USF3: variants seen among roughly 807,000 people sequenced by gnomAD.
The protein encoded by USF3 is basic helix-loop-helix domain-containing protein USF3.
In USF3, 29 loss-of-function variants were observed where a neutral mutation model predicts 157.5. That is an observed-to-expected ratio of 0.18 (90% CI 0.14 to 0.25). The LOEUF (loss-of-function observed/expected upper bound fraction) is 0.25, where lower values mean the gene tolerates loss of function less well. USF3 is among the 10% of genes least tolerant of loss of function. USF3 has a pLI of 1.00. For missense variants in USF3, 2,381 were observed against 2,667.6 expected, an observed-to-expected ratio of 0.89 and a Z score of 2.37; for synonymous variants, 893 against 941.4, an observed-to-expected ratio of 0.95 and a Z score of 0.94.
intron 6 of USF3, among the ~76,000 whole-genome samples, chr3:113,663,749 A>G (rs1427791530): frequency 6.6e-6 from 1 of 152,236 alleles, no homozygotes; most frequent in Non-Finnish European, 1.5e-5. Context: ...GCTATAAGAA[A>G]ACTTTCTCTC....
chr3:113,665,028 T>A (rs1353062862), intron 5 of USF3, among the ~76,000 whole-genome samples: 1 of 152,228 alleles, frequency 6.6e-6, no homozygotes, highest in Non-Finnish European at 1.5e-5. Context: ...GTCTATGGCA[T>A]TTTTGTTGCA....
chr3:113,670,681 TATA>T (rs972680143), intron 4 of USF3, among the ~76,000 whole-genome samples: 2 of 152,164 alleles, frequency 1.3e-5, no homozygotes, highest in Non-Finnish European at 2.9e-5. Flanking sequence ...TATAAATAAC[TATA>T]ATAAGTAAAA....
intron 6 of USF3, among the ~76,000 whole-genome samples, chr3:113,664,013 C>CA (rs1457252301): frequency 1.3e-5 from 2 of 152,032 alleles, no homozygotes; most frequent in African/African-American, 4.8e-5. Context: ...CTGCAATGTC[C>CA]AATTGGAATA....
chr3:113,658,129 C>T lies in USF3; in HGVS notation c.3553G>A (p.Gly1185Ser), dbSNP rs747883634. Residue 1185 changes from glycine to serine, a missense_variant, in exon 7 of 7, where the codon GGC becomes AGC. By Grantham distance (56) the Gly-to-Ser change is moderately conservative (BLOSUM62 0). Coordinates refer to ENST00000316407, the MANE Select transcript of USF3 (RefSeq NM_001009899.4). ...PFKSQIPKES[G>S]TGQAEATPNE... The stretch of plus-strand genomic sequence containing the variant: ...GGTGTTGCTTCTGCCTGTCCTGTGC[C>T]ACTCTCTTTAGGTATCTGTGATTTG... The T allele has an allele frequency of 6.2e-7, 1 of 1,614,126 alleles. No individual in the cohort carries two copies. The highest frequency in any genetic ancestry group is 1.7e-5 in the Admixed American group (1 of 60,014).
chr3:113,682,279 C>T (rs1467841417), intron 1 of USF3, among the ~76,000 whole-genome samples: 2 of 151,830 alleles, frequency 1.3e-5, no homozygotes, highest in African/African-American at 2.4e-5. Flanking sequence ...GAGCCATGAT[C>T]GTGCCACCGC....
rs896033083 is a variant in USF3, at chr3:113,652,179, C to G, written c.*2765G>C. On this transcript the variant is annotated 3_prime_UTR_variant, in exon 7 of 7. Coordinates refer to ENST00000316407, the MANE Select transcript of USF3 (RefSeq NM_001009899.4). The stretch of plus-strand genomic sequence containing the variant: ...AGACAGAGACAGAGGCAGTGAGAGA[C>G]AGACAGATGAGAGAGGGAGAGAGGG... 1 of 149,012 alleles carries G rather than the reference C, an allele frequency of 6.7e-6. No homozygotes were observed. The highest frequency in any genetic ancestry group is 2.1e-4 in the South Asian group (1 of 4,722). The allele number at this position is 149,012 out of a possible 1,614,324, so 9.2% of individuals were successfully genotyped here.
Position 113,653,913 on chromosome 3 carries a change from C to CA in USF3, c.*1030dup, listed in dbSNP as rs1191292736. On this transcript the variant is annotated 3_prime_UTR_variant, in exon 7 of 7. Coordinates refer to ENST00000316407, the MANE Select transcript of USF3 (RefSeq NM_001009899.4). ...GCCATATTTAAAATATAAATGCTAT[C>CA]AGTAAATGAAAATACTGACAGAGCT... 6.6e-6 allele frequency: 1 copy of CA among 152,122 alleles called. No individual in the cohort carries two copies. The highest frequency in any genetic ancestry group is 1.9e-4 in the East Asian group (1 of 5,200). The allele number at this position is 152,122 out of a possible 1,614,324, so 9.4% of individuals were successfully genotyped here.
intron 5 of USF3, among the ~76,000 whole-genome samples, chr3:113,666,447 T>G (rs1319925623): frequency 7.3e-5 from 11 of 150,642 alleles, no homozygotes; most frequent in Non-Finnish European, 1.5e-4. Flanking sequence ...GAGACGGGGT[T>G]TCACCATGTT....
intron 6 of USF3, among the ~76,000 whole-genome samples, chr3:113,663,446 A>C (rs962534409): frequency 2.0e-5 from 3 of 152,226 alleles, no homozygotes; most frequent in Non-Finnish European, 4.4e-5. Flanking sequence ...AACACCAGCT[A>C]AACTAGGTGA....
chr3:113,666,988 C>G (rs1349691917), intron 5 of USF3, among the ~76,000 whole-genome samples: 1 of 152,096 alleles, frequency 6.6e-6, no homozygotes, highest in African/African-American at 2.4e-5. Context: ...TATCCTTCAG[C>G]TATCAAGAAT....
intron 1 of USF3, among the ~76,000 whole-genome samples, chr3:113,680,191 A>G (rs1390264593): frequency 6.7e-6 from 1 of 149,260 alleles, no homozygotes; most frequent in Non-Finnish European, 1.5e-5. Flanking sequence ...TCTTCTTTAG[A>G]TGTTTGGTAG....
At chr3:113,677,793 T>C (rs1211947647) in intron 1 of USF3, among the ~76,000 whole-genome samples, 2 of 152,176 alleles carry the variant, frequency 1.3e-5, no homozygotes, top group African/African-American at 4.8e-5. Flanking sequence ...CCTACTTCTC[T>C]CTTTTAAGAG....
At chr3:113,679,009 GTCTCTCTC>G (rs373834496) in intron 1 of USF3, among the ~76,000 whole-genome samples, 115 of 144,142 alleles carry the variant, frequency 8.0e-4, no homozygotes, top group African/African-American at 1.2e-3. Flanking sequence ...CCAGGCTGGT[GTCTCTCTC>G]TCTCTCTCTC....
intron 6 of USF3, among the ~76,000 whole-genome samples, chr3:113,662,405 A>G (rs1947500879): frequency 6.6e-6 from 1 of 152,094 alleles, no homozygotes; most frequent in African/African-American, 2.4e-5. Flanking sequence ...CTGCTGGTAT[A>G]TGCTCTGTGA....
chr3:113,682,008 C>T (rs948669574), intron 1 of USF3, among the ~76,000 whole-genome samples: 1 of 152,138 alleles, frequency 6.6e-6, no homozygotes, highest in East Asian at 1.9e-4. Flanking sequence ...CATGAACCAC[C>T]AGGGAAACCC....
intron 5 of USF3, among the ~76,000 whole-genome samples, chr3:113,667,057 T>C (rs1300463678): frequency 6.6e-6 from 1 of 152,210 alleles, no homozygotes; most frequent in East Asian, 1.9e-4. Flanking sequence ...TCTCTGGTAC[T>C]TTGTAGATAA....
rs1172590141 is a variant in USF3 at position 113,650,146 on chromosome 3, C to A, written c.*4798G>T. Reference sequence around the variant, plus strand: ...ATAGACAACAAAATTACAAAAATGGCTTCCAGGCTCCTAAAGATATCACTC... The same window carrying A: ...ATAGACAACAAAATTACAAAAATGGATTCCAGGCTCCTAAAGATATCACTC... On this transcript the variant is annotated 3_prime_UTR_variant, in exon 7 of 7. Coordinates refer to ENST00000316407, the MANE Select transcript of USF3 (RefSeq NM_001009899.4). 1 of 412,686 alleles carries A rather than the reference C, an allele frequency of 2.4e-6. No individual in the cohort carries two copies. Among genetic ancestry groups the A allele is most frequent in the Admixed American group, 4.0e-5 (1 of 24,930 alleles). 25.6% of individuals were successfully genotyped at this position (412,686 alleles called of 1,614,324 possible). A position where few individuals can be genotyped will look rare whatever the true frequency, so the allele number is the denominator to read the frequency against.
Position 113,656,101 on chromosome 3 carries a change from T to C in USF3, c.5581A>G (p.Thr1861Ala), listed in dbSNP as rs928120410. Residue 1861 changes from threonine (T) to alanine (A), a missense_variant, in exon 7 of 7, where the codon ACT (threonine) becomes GCT (alanine). By Grantham distance (58) the Thr-to-Ala change is moderately conservative. Around this residue, in one of 6 missense-constraint regions of USF3, gnomAD observed 770 missense variants for 824.2 expected, o/e 0.93. Transcript: ENST00000316407. Reference sequence around the variant, plus strand: ...CTTCTAATATGGACATTTTCATGAGTTGGGGGACAATTATATTCAATTGCA... The same window carrying C: ...CTTCTAATATGGACATTTTCATGAGCTGGGGGACAATTATATTCAATTGCA... ...SSAIEYNCPP[T>A]HENVHIRRES... is the part of the protein sequence containing the mutation. 3 of 1,614,076 alleles carry C rather than the reference T, an allele frequency of 1.9e-6. No homozygotes were observed. Among genetic ancestry groups the C allele is most frequent in the African/African-American group, 1.3e-5 (1 of 75,008 alleles).
At chr3:113,667,744 G>A (rs1443248365) in intron 5 of USF3, among the ~76,000 whole-genome samples, 2 of 152,114 alleles carry the variant, frequency 1.3e-5, no homozygotes, top group African/African-American at 2.4e-5. Context: ...GCATGCACCT[G>A]TAATCCTAGC....
Sources: allele counts gnomAD v4.1 joint callset (sites outside exome capture counted in the v4.1 genomes callset), GRCh38; gene constraint gnomAD v4.1.1; regional missense constraint gnomAD v4.1.1; transcripts MANE v1.5; gene names NCBI Gene and HGNC (gene_info 2026-07-23, HGNC 2026-07-21).